ERBB4: variants seen among roughly 807,000 people sequenced by gnomAD.
ERBB4 encodes receptor tyrosine-protein kinase erbB-4.
Under a neutral mutation model 158.0 loss-of-function variants are expected in ERBB4, and 42 were observed. That is an observed-to-expected ratio of 0.27 (90% CI 0.21 to 0.34). The LOEUF (loss-of-function observed/expected upper bound fraction) is 0.34, where lower values mean the gene tolerates loss of function less well. ERBB4 is among the 10% of genes least tolerant of loss of function. The pLI is 1.00. For synonymous variants in ERBB4, 583 were observed against 558.7 expected, an observed-to-expected ratio of 1.04 and a Z score of -0.61; for missense variants, 1,333 against 1,624.1, an observed-to-expected ratio of 0.82 and a Z score of 3.08.
chr2:212,405,927 T>C (rs1320512432), intron 1 of ERBB4, among the ~76,000 whole-genome samples: 1 of 152,040 alleles, frequency 6.6e-6, no homozygotes, highest in Non-Finnish European at 1.5e-5. Context: ...AACAACTTAA[T>C]TTAATAGGGG....
At chr2:211,614,488 TA>T (rs2069312495) in intron 19 of ERBB4, among the ~76,000 whole-genome samples, 1 of 151,994 alleles carries the variant, frequency 6.6e-6, no homozygotes, top group Non-Finnish European at 1.5e-5. Flanking sequence ...ACGATGTGCT[TA>T]TTTCACATTG....
intron 1 of ERBB4, among the ~76,000 whole-genome samples, chr2:212,487,354 C>G (rs1287048099): frequency 6.6e-6 from 1 of 151,910 alleles, no homozygotes; most frequent in Non-Finnish European, 1.5e-5. Flanking sequence ...ACTTTTATGT[C>G]TTATCTCATG....
chr2:211,450,959 G>A (rs2064231755), intron 20 of ERBB4, among the ~76,000 whole-genome samples: 1 of 152,154 alleles, frequency 6.6e-6, no homozygotes, highest in African/African-American at 2.4e-5. Context: ...TATCGTAAGT[G>A]GATAATCAAT....
chr2:211,837,480 A>C (rs796874938), intron 3 of ERBB4, among the ~76,000 whole-genome samples: 3 of 152,240 alleles, frequency 2.0e-5, no homozygotes, highest in African/African-American at 7.2e-5. Flanking sequence ...TTTATAGGCA[A>C]GGAGAGTTGT....
intron 2 of ERBB4, among the ~76,000 whole-genome samples, chr2:212,108,312 A>T (rs1469705849): frequency 6.6e-6 from 1 of 152,220 alleles, no homozygotes; most frequent in Non-Finnish European, 1.5e-5. Context: ...ATTCGTGAAG[A>T]TCAGTGGAAT....
intron 20 of ERBB4, among the ~76,000 whole-genome samples, chr2:211,446,010 T>C (rs1212949552): frequency 6.6e-6 from 1 of 152,164 alleles, no homozygotes. Context: ...AAGGAAATGT[T>C]GGAATCTGGA....
chr2:211,636,621 C>T (rs2070372673), intron 16 of ERBB4, among the ~76,000 whole-genome samples: 1 of 151,902 alleles, frequency 6.6e-6, no homozygotes, highest in Non-Finnish European at 1.5e-5. Context: ...CTCCAAAGTG[C>T]CTCTATGTGA....
intron 3 of ERBB4, among the ~76,000 whole-genome samples, chr2:211,941,387 A>G (rs569561542): frequency 2.4e-4 from 37 of 152,060 alleles, no homozygotes; most frequent in Admixed American, 1.6e-3. Context: ...AACCCACTCA[A>G]ATATTACCAA....
intron 3 of ERBB4, among the ~76,000 whole-genome samples, chr2:211,813,608 C>CT (rs1347337598): frequency 3.3e-5 from 5 of 152,022 alleles, no homozygotes. Flanking sequence ...TTAAATAACA[C>CT]TTTTTTTCTG....
At chr2:211,945,363 T>C (rs2080656930) in intron 3 of ERBB4, among the ~76,000 whole-genome samples, 1 of 152,134 alleles carries the variant, frequency 6.6e-6, no homozygotes, top group African/African-American at 2.4e-5. Context: ...CAGAATAATT[T>C]TGGCACATAA....
intron 3 of ERBB4, among the ~76,000 whole-genome samples, chr2:211,794,248 A>G (rs1210889360): frequency 6.6e-6 from 1 of 151,926 alleles, no homozygotes; most frequent in Non-Finnish European, 1.5e-5. Context: ...TTTGAGTTCT[A>G]GCTCCTCTGA....
chr2:211,819,460 G>A (rs1459502741), intron 3 of ERBB4, among the ~76,000 whole-genome samples: 4 of 151,936 alleles, frequency 2.6e-5, no homozygotes, highest in Non-Finnish European at 4.4e-5. Flanking sequence ...AACTTGTCTC[G>A]AGGACTAGAA....
At chr2:212,465,260 G>A (rs1478452399) in intron 1 of ERBB4, among the ~76,000 whole-genome samples, 2 of 152,088 alleles carry the variant, frequency 1.3e-5, no homozygotes, top group East Asian at 1.9e-4. Context: ...TTCATGAAGA[G>A]ACCAAGACCA....
chr2:211,460,360 G>GT (rs1373501938), intron 20 of ERBB4, among the ~76,000 whole-genome samples: 2 of 152,128 alleles, frequency 1.3e-5, no homozygotes, highest in South Asian at 2.1e-4. Context: ...AGCCTTGCAT[G>GT]TAAGAGGTCA....
At chr2:212,464,106 GT>G (rs1446030421) in intron 1 of ERBB4, among the ~76,000 whole-genome samples, 1 of 152,136 alleles carries the variant, frequency 6.6e-6, no homozygotes, top group East Asian at 1.9e-4. Flanking sequence ...GTAGACCCAT[GT>G]GGTCTCAAAA....
At chr2:211,393,847 A>C (rs1272634688) in intron 25 of ERBB4, among the ~76,000 whole-genome samples, 2 of 151,646 alleles carry the variant, frequency 1.3e-5, no homozygotes, top group Non-Finnish European at 2.9e-5. Context: ...ATATACATTT[A>C]CCTACCTCAC....
intron 3 of ERBB4, among the ~76,000 whole-genome samples, chr2:211,829,934 A>G (rs550444903): frequency 6.6e-6 from 1 of 152,336 alleles, no homozygotes; most frequent in East Asian, 1.9e-4. Flanking sequence ...AATAGTAACA[A>G]GTATGACTGC....
intron 3 of ERBB4, among the ~76,000 whole-genome samples, chr2:211,942,313 A>G (rs73989231): frequency 0.024 from 3,627 of 151,846 alleles, 55 homozygotes; most frequent in Middle Eastern, 0.048. Context: ...TACATGTTGT[A>G]GTTTCTGGAT....
chr2:211,396,701 G>C (rs577829898), intron 25 of ERBB4, among the ~76,000 whole-genome samples: 1 of 152,284 alleles, frequency 6.6e-6, no homozygotes, highest in East Asian at 1.9e-4. Context: ...TTAAGTGATA[G>C]GTGTTGGCAA....
Sources: allele counts gnomAD v4.1 joint callset (sites outside exome capture counted in the v4.1 genomes callset), GRCh38; gene constraint gnomAD v4.1.1; transcripts MANE v1.5; gene names NCBI Gene and HGNC (gene_info 2026-07-23, HGNC 2026-07-21).